CRYBB2: variants seen among roughly 807,000 people sequenced by gnomAD.
CRYBB2 encodes beta-crystallin B2.
Under a neutral mutation model 24.3 loss-of-function variants are expected in CRYBB2, and 12 were observed. The ratio of observed to expected loss-of-function variants is 0.49; its 90% confidence interval spans 0.32 to 0.80. CRYBB2 has a LOEUF of 0.80. Among genes scored for constraint, CRYBB2 ranks in the 30% least tolerant of loss-of-function variants. The pLI, the probability that CRYBB2 is intolerant of heterozygous loss-of-function variation, is 0.04. For synonymous variants in CRYBB2, 98 were observed against 101.6 expected (o/e 0.96, Z 0.21); for missense variants, 198 against 268.5 (o/e 0.74, Z 1.83).
chr22:25,223,535 T>G (rs1432399075), intron 2 of CRYBB2, among the ~76,000 whole-genome samples: 1 of 152,178 alleles, frequency 6.6e-6, no homozygotes, highest in Admixed American at 6.5e-5. Context: ...GAGGACACAT[T>G]GGAGCCCTTG....
chr22:25,222,334 T>C (rs975724324), intron 2 of CRYBB2, among the ~76,000 whole-genome samples: 5 of 152,070 alleles, frequency 3.3e-5, no homozygotes, highest in East Asian at 3.9e-4. Context: ...TTTCCAGTAG[T>C]GAGAAGTGCT....
intron 3 of CRYBB2, among the ~76,000 whole-genome samples, chr22:25,226,163 T>C (rs1935409566): frequency 9.0e-6 from 1 of 111,100 alleles, no homozygotes; most frequent in Admixed American, 1.0e-4. Flanking sequence ...TGAATTTGGA[T>C]TTCTCTGTGT....
At chr22:25,226,006 CTCT>C (rs958275532) in intron 3 of CRYBB2, among the ~76,000 whole-genome samples, 6 of 152,212 alleles carry the variant, frequency 3.9e-5, no homozygotes, top group African/African-American at 9.7e-5. Context: ...AGATTTTACA[CTCT>C]TCTTCTTTCT....
chr22:25,218,798 GAAA>G (rs1242271731), upstream of CRYBB2, among the ~76,000 whole-genome samples: 1 of 98,330 alleles, frequency 1.0e-5, no homozygotes, highest in Non-Finnish European at 2.0e-5. Context: ...AAGAAAGAAA[GAAA>G]GAAAGAAAGA....
At chr22:25,217,592 C>T (rs975047296), upstream of CRYBB2, among the ~76,000 whole-genome samples, 26 of 152,202 alleles carry the variant, frequency 1.7e-4, no homozygotes, top group African/African-American at 5.1e-4. Flanking sequence ...GCTGGGATTA[C>T]AGGCGTGAGC....
At chr22:25,229,092 T>A (rs866343642) in intron 4 of CRYBB2, among the ~76,000 whole-genome samples, 19 of 145,832 alleles carry the variant, frequency 1.3e-4, no homozygotes, top group Non-Finnish European at 2.6e-4. Flanking sequence ...CATGTGTGGG[T>A]GTGCATGTGT....
At chr22:25,221,586 C>T (rs898620454) in intron 2 of CRYBB2, 103 bp downstream of exon 2, 1 of 821,936 alleles carries the variant, frequency 1.2e-6, no homozygotes, top group African/African-American at 1.7e-5. Context: ...TACCCCCTCT[C>T]GACCCCTGCC....
At chr22:25,213,966 A>G (rs1263291267) in intron 1 of CRYBB2, among the ~76,000 whole-genome samples, 1 of 152,202 alleles carries the variant, frequency 6.6e-6, no homozygotes, top group African/African-American at 2.4e-5. Flanking sequence ...GGGGGCACGA[A>G]GATGACTGAG....
chr22:25,225,139 C>A (rs985725463), intron 3 of CRYBB2, 103 bp downstream of exon 3: 2 of 790,462 alleles, frequency 2.5e-6, no homozygotes, highest in South Asian at 1.4e-5. Flanking sequence ...ATCTGGGAAC[C>A]AAGTTTTGGG....
intron 5 of CRYBB2, among the ~76,000 whole-genome samples, chr22:25,230,009 C>T (rs1470841516): frequency 2.0e-5 from 3 of 151,854 alleles, no homozygotes; most frequent in Non-Finnish European, 2.9e-5. Flanking sequence ...TGTCATTTTC[C>T]ACTGAATCAA....
At chr22:25,229,611 C>T (rs766962430) in intron 5 of CRYBB2, 33 bp downstream of exon 5, 2 of 1,612,824 alleles carry the variant, frequency 1.2e-6, no homozygotes, top group South Asian at 2.2e-5. Context: ...CTCACCCTGC[C>T]CCAGGAACTG....
Position 25,225,536 on chromosome 22 carries a change from T to TC in CRYBB2, c.173+500_173+501insC, listed in dbSNP as rs373418446. ...GTCTTTACAGATTTTTTGGCACACT[T>TC]GGGGGCCAGGTCTCTATCCAAGAGA... On this transcript the variant is annotated intron_variant, in intron 3 of 5. Coordinates refer to ENST00000398215, the MANE Select transcript of CRYBB2 (RefSeq NM_000496.3). Among the ~76,000 whole-genome samples, 737 of 152,180 alleles carry TC rather than the reference T, an allele frequency of 4.8e-3. 9 individuals carry two copies. Among genetic ancestry groups the TC allele is most frequent in the African/African-American group, 0.017 (698 of 41,518 alleles).
chr22:25,225,056 C>G lies in CRYBB2; in HGVS notation c.173+20C>G. On this transcript the variant is annotated intron_variant, in intron 3 of 5. Transcript: ENST00000398215. Reference sequence around the variant, plus strand: ...TGGACCGTAAGTACCTGGGTGGCCTCTCCTGGTCAGGGACTTTGGGTGAGG... The same window carrying G: ...TGGACCGTAAGTACCTGGGTGGCCTGTCCTGGTCAGGGACTTTGGGTGAGG... The G allele has an allele frequency of 7.4e-7, 1 of 1,342,638 alleles. No homozygotes were observed. Among genetic ancestry groups the G allele is most frequent in the Middle Eastern group, 1.8e-4 (1 of 5,532 alleles). 83.2% of individuals were successfully genotyped at this position (1,342,638 alleles called of 1,614,324 possible).
chr22:25,218,725 A>AGGG (rs1935232289), upstream of CRYBB2, among the ~76,000 whole-genome samples: 10 of 121,304 alleles, frequency 8.2e-5, no homozygotes, highest in African/African-American at 3.3e-4. Context: ...AGAGAGAGAG[A>AGGG]GAGAGAGAGG....
intron 2 of CRYBB2, among the ~76,000 whole-genome samples, chr22:25,223,117 A>G (rs566606329): frequency 6.6e-6 from 1 of 152,296 alleles, no homozygotes; most frequent in South Asian, 2.1e-4. Flanking sequence ...TTTCAAATGC[A>G]TGGAGAAACT....
intron 2 of CRYBB2, among the ~76,000 whole-genome samples, chr22:25,222,119 C>A (rs1328277241): frequency 6.6e-6 from 1 of 152,216 alleles, no homozygotes; most frequent in Non-Finnish European, 1.5e-5. Context: ...TATCTAGGCA[C>A]GGCCACCTGA....
upstream of CRYBB2, among the ~76,000 whole-genome samples, chr22:25,216,957 T>C (rs1247634700): frequency 6.6e-6 from 1 of 152,220 alleles, no homozygotes; most frequent in Admixed American, 6.5e-5. Context: ...GAATTTCCTT[T>C]CTTTTTAAGG....
chr22:25,231,077 C>G (rs1935522820), intron 5 of CRYBB2, among the ~76,000 whole-genome samples: 1 of 152,184 alleles, frequency 6.6e-6, no homozygotes, highest in African/African-American at 2.4e-5. Flanking sequence ...GAGGTGTCCA[C>G]AGAAACTGGC....
chr22:25,224,773 CTGTTTGATTTTA>C, intron 2 of CRYBB2, 133 bp from the exon 3 acceptor site: 1 of 752,784 alleles, frequency 1.3e-6, no homozygotes. Flanking sequence ...AGAGCCAGGG[CTGTTTGATTTTA>C]TGTTTGATTT....
Sources: gnomAD v4.1 joint callset for allele counts (sites outside exome capture counted in the v4.1 genomes callset) on GRCh38, gnomAD v4.1.1 for gene constraint, MANE v1.5 for transcripts, NCBI Gene and HGNC (gene_info 2026-07-23, HGNC 2026-07-21) for gene names.